The following WDR72 variants were observed in gnomAD, a reference collection of about 807,000 sequenced individuals.
WDR72 encodes WD repeat domain 72.
A neutral mutation model predicts 124.2 loss-of-function variants in WDR72; 120 were observed. The observed-to-expected ratio is 0.97, with a 90% confidence interval of 0.83 to 1.12. The LOEUF (loss-of-function observed/expected upper bound fraction) is 1.12. Among genes scored for constraint, WDR72 ranks in the 50% most tolerant of loss-of-function variants. The pLI is 0.00. For missense variants in WDR72, 1,387 were observed against 1,278.8 expected (o/e 1.08, Z -1.29); for synonymous variants, 452 against 441.7 (o/e 1.02, Z -0.29).
chr15:53,619,084 A>C (rs932602941), intron 14 of WDR72, among the ~76,000 whole-genome samples: 1 of 152,014 alleles, frequency 6.6e-6, no homozygotes, highest in African/African-American at 2.4e-5. Context: ...TTCTTCTAAA[A>C]AAACAAAATG....
chr15:53,747,050 G>A (rs951931048), intron 1 of WDR72, among the ~76,000 whole-genome samples: 1 of 152,120 alleles, frequency 6.6e-6, no homozygotes, highest in Non-Finnish European at 1.5e-5. Flanking sequence ...GCCAGAATGA[G>A]ATCTACTTTA....
Position 53,712,854 on chromosome 15 carries a change from A to G in WDR72, c.629T>C (p.Leu210Pro). 3 of 1,613,898 alleles carry G rather than the reference A, an allele frequency of 1.9e-6. No individual in the cohort carries two copies. Among genetic ancestry groups the G allele is most frequent in the South Asian group, 1.1e-5 (1 of 91,032 alleles). ...AATTGTCTGGCAGTTCAAGGACTCA[A>G]GAAACTTGGATTCTTTTTCATAGAC... ...QDVYEKESKFLESLNCQTIRF... is the reference protein window; with the variant it reads ...QDVYEKESKFPESLNCQTIRF... Residue 210 changes from leucine (L) to proline (P), a missense_variant, in exon 7 of 20, where the codon CTT (leucine) becomes CCT (proline). Transcript: ENST00000360509.
chr15:53,676,458 A>G (rs1321250443), intron 13 of WDR72, among the ~76,000 whole-genome samples: 1 of 152,250 alleles, frequency 6.6e-6, no homozygotes, highest in Non-Finnish European at 1.5e-5. Flanking sequence ...GTCGAGATTT[A>G]AAACATTGGA....
At chr15:53,714,349 AAACAT>A in intron 6 of WDR72, 80 bp downstream of exon 6, 1 of 1,078,084 alleles carries the variant, frequency 9.3e-7, no homozygotes, top group South Asian at 1.3e-5. Context: ...TTTTGACAAT[AAACAT>A]GTAATAGCCT....
chr15:53,630,260 T>A (rs1185618676), intron 14 of WDR72, among the ~76,000 whole-genome samples: 1 of 152,170 alleles, frequency 6.6e-6, no homozygotes, highest in Non-Finnish European at 1.5e-5. Flanking sequence ...ATGACTCCAC[T>A]GTTAATTTCT....
chr15:53,672,358 T>G (rs1595837079), intron 13 of WDR72, among the ~76,000 whole-genome samples: 1 of 151,042 alleles, frequency 6.6e-6, no homozygotes, highest in East Asian at 1.9e-4. Context: ...GTGAGCTGTT[T>G]CAGGAGACGA....
intron 14 of WDR72, among the ~76,000 whole-genome samples, chr15:53,647,982 G>A (rs549590262): frequency 2.6e-5 from 4 of 152,150 alleles, no homozygotes; most frequent in South Asian, 4.1e-4. Flanking sequence ...TACATGAAAT[G>A]TGATTTCTCA....
chr15:53,646,852 T>C (rs898773128), intron 14 of WDR72, among the ~76,000 whole-genome samples: 2 of 151,890 alleles, frequency 1.3e-5, no homozygotes, highest in African/African-American at 4.8e-5. Flanking sequence ...ATAGGTGTAA[T>C]AAAAAGGAAG....
chr15:53,576,944 G>A (rs1203894298), intron 18 of WDR72, among the ~76,000 whole-genome samples: 1 of 152,216 alleles, frequency 6.6e-6, no homozygotes, highest in African/African-American at 2.4e-5. Flanking sequence ...TCTCTGTAAA[G>A]CATTGTCTAA....
chr15:53,621,399 T>A (rs59530560), intron 14 of WDR72, among the ~76,000 whole-genome samples: 1 of 144,872 alleles, frequency 6.9e-6, no homozygotes, highest in Non-Finnish European at 1.5e-5. Context: ...ACCCAAATGC[T>A]CATCCATCAA....
At chr15:53,724,062 G>C (rs1202576222) in intron 2 of WDR72, among the ~76,000 whole-genome samples, 1 of 152,150 alleles carries the variant, frequency 6.6e-6, no homozygotes, top group Non-Finnish European at 1.5e-5. Flanking sequence ...TCCAGACACA[G>C]AAAGACAAAT....
intron 13 of WDR72, among the ~76,000 whole-genome samples, chr15:53,679,502 A>C (rs2016303715): frequency 6.6e-6 from 1 of 152,212 alleles, no homozygotes; most frequent in South Asian, 2.1e-4. Flanking sequence ...ACCATTGGCC[A>C]TCAGGAGAAG....
chr15:53,605,455 T>C (rs2013238674), intron 17 of WDR72, among the ~76,000 whole-genome samples: 1 of 152,212 alleles, frequency 6.6e-6, no homozygotes, highest in African/African-American at 2.4e-5. Context: ...AGTTTATCTA[T>C]GAAACAAACC....
chr15:53,547,357 C>T (rs1454716143), intron 18 of WDR72, among the ~76,000 whole-genome samples: 1 of 152,208 alleles, frequency 6.6e-6, no homozygotes, highest in Non-Finnish European at 1.5e-5. Flanking sequence ...GTCTCGAACT[C>T]CCAACCTCAG....
At position 53,709,911 on chromosome 15, in the gene WDR72, C is replaced by T. The variant is rs1412368985; in HGVS notation, c.954+946G>A. 2.6e-5 allele frequency among the ~76,000 whole-genome samples: 4 copies of T among 152,286 alleles called. No individual in the cohort carries two copies. The East Asian group carries it at 7.7e-4, about 29-fold the overall frequency. On this transcript the variant is annotated intron_variant, in intron 9 of 19. Transcript: ENST00000360509. ...CATTCTGTTAAAAGTAGCATGCTTC[C>T]TTGGTTGACACATCAATAATTCAAA...
rs376936106 is a variant in WDR72, at chr15:53,722,240, G to A, written c.260+562C>T. Among the ~76,000 whole-genome samples, 52 of 151,874 alleles carry A rather than the reference G, an allele frequency of 3.4e-4. 1 individual carries two copies. In the East Asian group the frequency reaches 8.9e-3, roughly 26 times the overall value. ...AATAGAGTCAGGGTTTCGTCACGTCGGCCAGGCTGGTCTCAAACTCCTGAC... is the reference window on the plus strand; with the variant it reads ...AATAGAGTCAGGGTTTCGTCACGTCAGCCAGGCTGGTCTCAAACTCCTGAC... On this transcript the variant is annotated intron_variant, in intron 3 of 19. Transcript: ENST00000360509.
At chr15:53,641,578 T>C (rs576960520) in intron 14 of WDR72, among the ~76,000 whole-genome samples, 3 of 152,134 alleles carry the variant, frequency 2.0e-5, no homozygotes, top group East Asian at 3.9e-4. Flanking sequence ...GTTGTGAGTA[T>C]GGAAACCTTT....
In WDR72 at chr15:53,613,688, G is replaced by T; in HGVS notation, c.2850C>A (p.Ser950Arg). ...TACCATTTCGTAAGCAACTGTAGAA[G>T]CTTGACATATTTAAAATGTCATTCC... Reference protein sequence around the residue: ...GAGNDILNMSSFYSCLRNGKN... With the variant: ...GAGNDILNMSRFYSCLRNGKN... Residue 950 changes from serine (S) to arginine (R), a missense_variant, in exon 16 of 20, where the codon AGC (serine) becomes AGA (arginine). Physicochemically the swap from Ser to Arg is moderately radical, Grantham distance 110. Coordinates refer to ENST00000360509, the MANE Select transcript of WDR72 (RefSeq NM_182758.4). The T allele has an allele frequency of 6.2e-7, 1 of 1,610,340 alleles. No individual in the cohort carries two copies. The highest frequency in any genetic ancestry group is 8.5e-7 in the Non-Finnish European group (1 of 1,177,868).
Position 53,710,933 on chromosome 15 carries a change from T to TA in WDR72, c.877dup (p.Tyr293LeufsTer4). 6.2e-7 allele frequency: 1 copy of TA among 1,613,718 alleles called. No homozygotes were observed. Among genetic ancestry groups the TA allele is most frequent in the South Asian group, 1.1e-5 (1 of 91,078 alleles). On this transcript the variant is annotated frameshift_variant, in exon 9 of 20. Transcript: ENST00000360509. LOFTEE classifies it high-confidence loss of function. The stretch of plus-strand genomic sequence containing the variant: ...TTTAAGCACTCTTCCATCAGCAGGG[T>TA]ATATGCTTTTTGAAAGCCCACTGCG...
Sources: allele counts gnomAD v4.1 joint callset (sites outside exome capture counted in the v4.1 genomes callset), GRCh38; gene constraint gnomAD v4.1.1; transcripts MANE v1.5; gene names NCBI Gene and HGNC (gene_info 2026-07-23, HGNC 2026-07-21).